Variants in FMO1 observed in about 807,000 individuals in gnomAD.
The protein encoded by FMO1 is flavin containing dimethylaniline monoxygenase 1.
Under a neutral mutation model 45.4 loss-of-function variants are expected in FMO1, and 36 were observed. The ratio of observed to expected loss-of-function variants is 0.79; its 90% CI spans 0.61 to 1.05. FMO1 has a LOEUF of 1.05. Among genes scored for constraint, FMO1 ranks in the 50% least tolerant of loss-of-function variants. The probability of loss-of-function intolerance (pLI) is 0.00; values close to 1 mark genes in which losing one functional copy is unlikely to be tolerated. For synonymous variants in FMO1, 228 were observed against 227.2 expected (o/e 1.00, Z -0.03); for missense variants, 615 against 640.3 (o/e 0.96, Z 0.43).
At chr1:171,253,478 G>A (rs1659996514) in intron 1 of FMO1, among the ~76,000 whole-genome samples, 1 of 152,012 alleles carries the variant, frequency 6.6e-6, no homozygotes, top group South Asian at 2.1e-4. Context: ...AACTAACCTG[G>A]GCAACATAGT....
At chr1:171,256,117 C>T (rs939565532) in intron 1 of FMO1, among the ~76,000 whole-genome samples, 2 of 151,584 alleles carry the variant, frequency 1.3e-5, no homozygotes, top group African/African-American at 4.8e-5. Flanking sequence ...ACTAAAAATA[C>T]AAAAAATTAG....
chr1:171,275,195 G>T, intron 3 of FMO1, 151 bp from the exon 4 acceptor site: 1 of 545,072 alleles, frequency 1.8e-6, no homozygotes, highest in Non-Finnish European at 3.1e-6. Context: ...ATCATGATTA[G>T]TCCGGTAACC....
chr1:171,249,975 A>T (rs563338458), intron 1 of FMO1, among the ~76,000 whole-genome samples: 1 of 152,290 alleles, frequency 6.6e-6, no homozygotes, highest in Admixed American at 6.5e-5. Flanking sequence ...GAAGTTTTCA[A>T]CTTTCTAGGT....
chr1:171,257,678 T>C, intron 1 of FMO1: 1 of 227,738 alleles, frequency 4.4e-6, no homozygotes, highest in South Asian at 5.9e-5. Flanking sequence ...CAGTTTTGTA[T>C]GTGATAAAGA....
intron 5 of FMO1, among the ~76,000 whole-genome samples, chr1:171,280,256 A>G (rs1273638795): frequency 1.6e-4 from 24 of 152,226 alleles, no homozygotes; most frequent in Admixed American, 1.6e-3. Context: ...AAACAATTGT[A>G]CAGGAAACTC....
At chr1:171,262,416 C>T (rs964904829) in intron 2 of FMO1, among the ~76,000 whole-genome samples, 1 of 152,210 alleles carries the variant, frequency 6.6e-6, no homozygotes, top group African/African-American at 2.4e-5. Flanking sequence ...CCTTCACCTC[C>T]CTGTAACATT....
chr1:171,285,087 G>C (rs1204035165), intron 8 of FMO1, 115 bp from the exon 9 acceptor site: 3 of 655,030 alleles, frequency 4.6e-6, no homozygotes, highest in African/African-American at 3.7e-5. Flanking sequence ...AGGGGAAAAT[G>C]CAGAAACCAT....
At position 171,281,741 on chromosome 1, in the gene FMO1, G is replaced by C. The variant is rs554453318; in HGVS notation, c.828-237G>C. Among the ~76,000 whole-genome samples, 394 of 152,308 alleles carry C rather than the reference G, an allele frequency of 2.6e-3. 2 individuals carry two copies. The highest frequency in any genetic ancestry group is 8.5e-3 in the African/African-American group (354 of 41,558). On this transcript the variant is annotated intron_variant, in intron 6 of 8. Transcript: ENST00000617670. ...AAATCAGCAAGAGAAACAGAAGCTA[G>C]AGAAGGTGCTGGCTTCCTCTTCAGG...
At chr1:171,262,737 A>G (rs1660427415) in intron 2 of FMO1, among the ~76,000 whole-genome samples, 1 of 152,198 alleles carries the variant, frequency 6.6e-6, no homozygotes, top group African/African-American at 2.4e-5. Context: ...ATTTTTAATT[A>G]CTATCATCCT....
chr1:171,284,178 A>G (rs1257396792), intron 8 of FMO1, among the ~76,000 whole-genome samples: 1 of 131,752 alleles, frequency 7.6e-6, no homozygotes, highest in Non-Finnish European at 1.5e-5. Context: ...CTGTGGCAAA[A>G]AAAAAAAAAC....
chr1:171,284,737 AAAAAAAG>A (rs1438593448), intron 8 of FMO1, among the ~76,000 whole-genome samples: 1 of 151,244 alleles, frequency 6.6e-6, no homozygotes, highest in African/African-American at 2.4e-5. Context: ...GTAAAAAAAA[AAAAAAAG>A]AAAAAAGAAA....
At chr1:171,277,221 C>T (rs976616680) in intron 4 of FMO1, among the ~76,000 whole-genome samples, 2 of 152,092 alleles carry the variant, frequency 1.3e-5, no homozygotes, top group African/African-American at 4.8e-5. Context: ...ACACTCCTTG[C>T]GATGGTTGTT....
chr1:171,254,897 T>A (rs539628706), intron 1 of FMO1, among the ~76,000 whole-genome samples: 1 of 152,248 alleles, frequency 6.6e-6, no homozygotes, highest in Non-Finnish European at 1.5e-5. Context: ...TAAGACATAC[T>A]TCTGTCTTAG....
intron 1 of FMO1, among the ~76,000 whole-genome samples, chr1:171,255,464 C>T (rs1392550026): frequency 1.3e-5 from 2 of 152,200 alleles, no homozygotes; most frequent in Admixed American, 6.5e-5. Flanking sequence ...GCTGTACTTC[C>T]CTCTGCTCCA....
chr1:171,275,677 C>T (rs1268499781), intron 4 of FMO1, among the ~76,000 whole-genome samples, 169 bp downstream of exon 4: 1 of 151,836 alleles, frequency 6.6e-6, no homozygotes, highest in African/African-American at 2.4e-5. Context: ...CATTTTCTGG[C>T]CAGTTTTTGG....
chr1:171,281,069 C>T, intron 6 of FMO1, 84 bp downstream of exon 6: 1 of 1,073,638 alleles, frequency 9.3e-7, no homozygotes, highest in South Asian at 1.3e-5. Flanking sequence ...GGCAGTACCA[C>T]AGCAACATGG....
intron 3 of FMO1, among the ~76,000 whole-genome samples, chr1:171,273,433 T>C (rs1372638035): frequency 1.3e-5 from 2 of 152,218 alleles, no homozygotes; most frequent in African/African-American, 2.4e-5. Context: ...ATACAACATA[T>C]AAAAATCTTC....
At chr1:171,248,869 C>T (rs1659747488) in intron 1 of FMO1, among the ~76,000 whole-genome samples, 1 of 151,150 alleles carries the variant, frequency 6.6e-6, no homozygotes, top group South Asian at 2.1e-4. Flanking sequence ...AGTATACTTA[C>T]CTGTCTTCCA....
rs766034865 is a variant in FMO1 at position 171,280,899 on chromosome 1, C to G, written c.741C>G (p.Leu247=). ...TTCAGAACATGTTGAGAAATTCCCT[C>G]CCAACCCCAATTGTGACTTGGTTGA... ...TRFQNMLRNS[L]PTPIVTWLME... Residue 247 remains leucine, a synonymous_variant, in exon 6 of 9, where the codon CTC becomes CTG. Coordinates refer to ENST00000617670, the MANE Select transcript of FMO1 (RefSeq NM_001282693.2). The G allele has an allele frequency of 4.8e-5, 78 of 1,613,876 alleles. 2 individuals carry two copies. In the South Asian group the frequency reaches 8.1e-4, roughly 17 times the overall value.
Sources: gnomAD v4.1 joint callset for allele counts (sites outside exome capture counted in the v4.1 genomes callset) on GRCh38, gnomAD v4.1.1 for gene constraint, MANE v1.5 for transcripts, NCBI Gene and HGNC (gene_info 2026-07-23, HGNC 2026-07-21) for gene names.